Variants in ADAMTS19 observed in about 807,000 individuals in gnomAD.
ADAMTS19 encodes A disintegrin and metalloproteinase with thrombospondin motifs 19.
ADAMTS19 carries 93 observed loss-of-function variants against 153.3 expected under a neutral mutation model. The ratio of observed to expected loss-of-function variants is 0.61; its 90% CI spans 0.51 to 0.72. ADAMTS19 has a LOEUF of 0.72. ADAMTS19 is among the 30% of genes least tolerant of loss of function. The probability of loss-of-function intolerance (pLI) is 0.00; values close to 1 mark genes in which losing one functional copy is unlikely to be tolerated. For synonymous variants in ADAMTS19, 600 were observed against 556.6 expected (o/e 1.08, Z -1.10); for missense variants, 1,482 against 1,552.1 (o/e 0.95, Z 0.76).
chr5:129,705,320 C>A (rs968636948), intron 21 of ADAMTS19, among the ~76,000 whole-genome samples: 2 of 152,042 alleles, frequency 1.3e-5, no homozygotes, highest in East Asian at 1.9e-4. Flanking sequence ...TCATAAATAA[C>A]CCTAAAGGGC....
intron 12 of ADAMTS19, 33 bp downstream of exon 12, chr5:129,647,928 C>A: frequency 6.3e-7 from 1 of 1,586,834 alleles, no homozygotes; most frequent in Non-Finnish European, 8.6e-7. Context: ...GGGGAGGGCA[C>A]TTTTCAATTT....
At position 129,461,737 on chromosome 5, in the gene ADAMTS19, A is replaced by T; in HGVS notation, c.727A>T (p.Ser243Cys). 6.6e-7 allele frequency: 1 copy of T among 1,516,014 alleles called. No homozygotes were observed. The highest frequency in any genetic ancestry group is 8.8e-7 in the Non-Finnish European group (1 of 1,137,472). 93.9% of individuals were successfully genotyped at this position (1,516,014 alleles called of 1,614,324 possible). Residue 243 changes from serine (S) to cysteine (C), a missense_variant, in exon 2 of 23, where the codon AGC becomes TGC. Ser to Cys is a moderately radical substitution (Grantham distance 112). Coordinates refer to ENST00000274487, the MANE Select transcript of ADAMTS19 (RefSeq NM_133638.6). The surrounding 1 kb of genome is among the most constrained non-coding windows in gnomAD (Gnocchi z 4.6). ...GCACCCTGGCTCGCTGGCTTCTTTC[A>T]GCACCTGTGGAGGTGGCCTGGTAAG... ...LRHPGSLASF[S>C]TCGGGLMGFI...
chr5:129,688,247 T>C (rs564500402), intron 18 of ADAMTS19: 1 of 152,236 alleles, frequency 6.6e-6, no homozygotes, highest in East Asian at 1.9e-4. Flanking sequence ...TGGAAACAGA[T>C]TCATGCAAAA....
intron 21 of ADAMTS19, among the ~76,000 whole-genome samples, chr5:129,707,970 G>A (rs1756244913): frequency 6.6e-6 from 1 of 152,132 alleles, no homozygotes; most frequent in African/African-American, 2.4e-5. Context: ...CTGCTATTGG[G>A]CAAAGGTAGT....
At chr5:129,490,201 T>C (rs1323553369) in intron 2 of ADAMTS19, among the ~76,000 whole-genome samples, 2 of 152,172 alleles carry the variant, frequency 1.3e-5, no homozygotes, top group Non-Finnish European at 2.9e-5. Flanking sequence ...CCCAAAATTC[T>C]TTTCAAATTT....
chr5:129,693,358 T>C (rs974611121), intron 18 of ADAMTS19, among the ~76,000 whole-genome samples: 3 of 152,160 alleles, frequency 2.0e-5, no homozygotes, highest in Non-Finnish European at 4.4e-5. Flanking sequence ...ATGACCTCCC[T>C]GCCACCAGCC....
chr5:129,522,206 TAC>T (rs1049786124), intron 3 of ADAMTS19, among the ~76,000 whole-genome samples: 2 of 148,816 alleles, frequency 1.3e-5, no homozygotes, highest in African/African-American at 2.5e-5. Context: ...TATATATATA[TAC>T]ACACACATAT....
At chr5:129,494,208 A>G (rs1470676247) in intron 2 of ADAMTS19, among the ~76,000 whole-genome samples, 1 of 152,134 alleles carries the variant, frequency 6.6e-6, no homozygotes, top group Non-Finnish European at 1.5e-5. Flanking sequence ...CTATATTTCA[A>G]AATACTTAAT....
chr5:129,505,483 T>C (rs977665759), intron 2 of ADAMTS19, among the ~76,000 whole-genome samples: 1 of 152,120 alleles, frequency 6.6e-6, no homozygotes, highest in African/African-American at 2.4e-5. Context: ...ATTAATGAGG[T>C]AAAGTAACAA....
chr5:129,677,008 G>A (rs186894216), intron 16 of ADAMTS19, among the ~76,000 whole-genome samples: 3 of 152,176 alleles, frequency 2.0e-5, no homozygotes, highest in Admixed American at 6.5e-5. Flanking sequence ...GAATTGTACC[G>A]ACCTTAGTAC....
intron 21 of ADAMTS19, among the ~76,000 whole-genome samples, chr5:129,725,890 T>C (rs1183374432): frequency 6.6e-6 from 1 of 152,156 alleles, no homozygotes; most frequent in African/African-American, 2.4e-5. Context: ...AATTATCTCA[T>C]GTGTACCCAA....
At chr5:129,613,566 A>T (rs370023553) in intron 8 of ADAMTS19, among the ~76,000 whole-genome samples, 1 of 151,992 alleles carries the variant, frequency 6.6e-6, no homozygotes, top group Non-Finnish European at 1.5e-5. Context: ...AGCACTAAAT[A>T]CCCACAAGAG....
rs189756074 is a variant in ADAMTS19 at position 129,471,075 on chromosome 5, G to A, written c.747+9318G>A. Among the ~76,000 whole-genome samples, 55 of 138,106 alleles carry A rather than the reference G, an allele frequency of 4.0e-4. 1 individual carries two copies. In the East Asian group the frequency reaches 0.011, roughly 28 times the overall value. The allele number at this position is 138,106 out of a possible 152,430, so 90.6% of individuals were successfully genotyped here. Reference sequence around the variant, plus strand: ...TAGATATCAGGATCAAAATCAGGCGGTGGGATGTATGGGGGCGGGGGTGGT... The same window carrying A: ...TAGATATCAGGATCAAAATCAGGCGATGGGATGTATGGGGGCGGGGGTGGT... On this transcript the variant is annotated intron_variant, in intron 2 of 22. Transcript: ENST00000274487.
chr5:129,677,556 A>G, intron 16 of ADAMTS19, among the ~76,000 whole-genome samples: 1 of 151,960 alleles, frequency 6.6e-6, no homozygotes, highest in Non-Finnish European at 1.5e-5. Context: ...ATTATTTGCC[A>G]TCATAACCCA....
Position 129,461,200 on chromosome 5 carries a change from G to A in ADAMTS19, c.190G>A (p.Ala64Thr), listed in dbSNP as rs149861653. The change falls in exon 2 of 23, where the codon GCG (alanine) becomes ACG (threonine). Residue 64 changes from alanine (A) to threonine (T), a missense_variant. Ala to Thr is a moderately conservative substitution (Grantham distance 58). Coordinates refer to ENST00000274487, the MANE Select transcript of ADAMTS19 (RefSeq NM_133638.6). The surrounding 1 kb of genome is among the most constrained non-coding windows in gnomAD (Gnocchi z 4.6). ...VDPAGGSGGSADPGWVRGVGG... is the reference protein window; with the variant it reads ...VDPAGGSGGSTDPGWVRGVGG... ...CCCGGCTGGCGGCAGCGGGGGCAGC[G>A]CGGACCCGGGCTGGGTGCGCGGCGT... The A allele has an allele frequency of 8.9e-3, 11,704 of 1,308,540 alleles. 94 individuals carry two copies. Among genetic ancestry groups the A allele is most frequent in the South Asian group, 0.041 (1,701 of 41,780 alleles). 81.1% of individuals were successfully genotyped at this position (1,308,540 alleles called of 1,614,324 possible).
chr5:129,682,188 T>G (rs1401712398), intron 17 of ADAMTS19, among the ~76,000 whole-genome samples: 1 of 152,190 alleles, frequency 6.6e-6, no homozygotes, highest in Non-Finnish European at 1.5e-5. Flanking sequence ...CTCAGTGAAC[T>G]ATGTCTAAAA....
chr5:129,560,904 G>C (rs1753488600), intron 7 of ADAMTS19, among the ~76,000 whole-genome samples: 1 of 152,086 alleles, frequency 6.6e-6, no homozygotes, highest in Non-Finnish European at 1.5e-5. Context: ...CAGATTGTCT[G>C]TATGCCTCAA....
chr5:129,676,278 C>A (rs1754546586), intron 16 of ADAMTS19, among the ~76,000 whole-genome samples: 1 of 152,138 alleles, frequency 6.6e-6, no homozygotes, highest in African/African-American at 2.4e-5. Flanking sequence ...AGTTAACTTA[C>A]TTGCAGATCA....
At chr5:129,512,549 C>T (rs2126730867) in intron 3 of ADAMTS19, among the ~76,000 whole-genome samples, 1 of 152,188 alleles carries the variant, frequency 6.6e-6, no homozygotes, top group South Asian at 2.1e-4. Flanking sequence ...ATGATTTTCA[C>T]AGACAATGGA....
Sources: gnomAD v4.1 joint callset for allele counts (sites outside exome capture counted in the v4.1 genomes callset) on GRCh38, gnomAD v4.1.1 for gene constraint, Gnocchi (gnomAD v3.1) non-coding constraint, MANE v1.5 for transcripts, NCBI Gene and HGNC (gene_info 2026-07-23, HGNC 2026-07-21) for gene names.